The following DENND1A variants were observed in gnomAD, a reference collection of about 807,000 sequenced individuals.
DENND1A encodes DENN domain-containing protein 1A.
In DENND1A, 51 loss-of-function variants were observed where a neutral mutation model predicts 113.7. That is an observed-to-expected ratio of 0.45 (90% CI 0.36 to 0.57). DENND1A has a LOEUF of 0.57. Ranked by LOEUF, DENND1A falls within the 20% of genes least tolerant of loss-of-function variation. The pLI is 0.00. For synonymous variants in DENND1A, 565 were observed against 570.8 expected (o/e 0.99, Z 0.14); for missense variants, 1,258 against 1,395.9 (o/e 0.90, Z 1.57).
chr9:123,686,015 C>T (rs983755852), intron 5 of DENND1A, among the ~76,000 whole-genome samples: 2 of 149,546 alleles, frequency 1.3e-5, no homozygotes, highest in African/African-American at 4.9e-5. Context: ...AAAAACACAA[C>T]AAAAGGAAGA....
chr9:123,511,066 C>T (rs777344973), intron 13 of DENND1A, among the ~76,000 whole-genome samples: 2 of 152,212 alleles, frequency 1.3e-5, no homozygotes, highest in African/African-American at 4.8e-5. Flanking sequence ...AGGCCAGCTA[C>T]ATTCCCCTCC....
At chr9:123,557,144 A>G (rs1373575392) in intron 13 of DENND1A, among the ~76,000 whole-genome samples, 2 of 152,216 alleles carry the variant, frequency 1.3e-5, no homozygotes, top group Non-Finnish European at 2.9e-5. Context: ...CCAGTGGGAA[A>G]GCAGGGGCTC....
intron 13 of DENND1A, among the ~76,000 whole-genome samples, chr9:123,509,050 A>G (rs1279027428): frequency 6.6e-6 from 1 of 152,216 alleles, no homozygotes; most frequent in East Asian, 1.9e-4. Flanking sequence ...GAAGGAAAGA[A>G]AGAGAGAGGA....
chr9:123,697,962 G>C (rs1170841269), intron 5 of DENND1A, among the ~76,000 whole-genome samples: 2 of 152,092 alleles, frequency 1.3e-5, no homozygotes, highest in African/African-American at 4.8e-5. Context: ...GTCTTACTTA[G>C]GCCACTTTTG....
Position 123,769,386 on chromosome 9 carries a change from C to G in DENND1A, c.182+128G>C, listed in dbSNP as rs917734804. The G allele has an allele frequency of 3.0e-5, 24 of 812,136 alleles. No individual in the cohort carries two copies. In the African/African-American group the frequency reaches 3.8e-4, roughly 13 times the overall value. 50.3% of individuals were successfully genotyped at this position (812,136 alleles called of 1,614,324 possible). On this transcript the variant is annotated intron_variant, in intron 4 of 23. Coordinates refer to ENST00000394215, the MANE Select transcript of DENND1A (RefSeq NM_001352964.2). ...CCCAGGAAGGGAGAATATTGCAACT[C>G]TCCTTGGAACACAGGTATCTTAAAT... is the stretch of plus-strand genomic sequence containing the variant.
intron 9 of DENND1A, among the ~76,000 whole-genome samples, chr9:123,638,975 G>A (rs1352180865): frequency 3.8e-5 from 5 of 132,476 alleles, no homozygotes; most frequent in African/African-American, 1.4e-4. Flanking sequence ...CTATCTGTCA[G>A]GTACCCACAC....
chr9:123,647,880 T>C (rs1329903668), intron 9 of DENND1A, among the ~76,000 whole-genome samples: 1 of 152,204 alleles, frequency 6.6e-6, no homozygotes, highest in South Asian at 2.1e-4. Context: ...ACATATATCC[T>C]ACCATACATG....
chr9:123,461,430 T>C (rs974916470), intron 13 of DENND1A, among the ~76,000 whole-genome samples: 1 of 152,204 alleles, frequency 6.6e-6, no homozygotes, highest in Admixed American at 6.5e-5. Context: ...GTGGTCTCAG[T>C]GTGTCTCTGA....
chr9:123,633,373 A>G (rs2061564773), intron 9 of DENND1A, among the ~76,000 whole-genome samples: 1 of 152,194 alleles, frequency 6.6e-6, no homozygotes, highest in Non-Finnish European at 1.5e-5. Context: ...ATAAAATATG[A>G]TTTTTACTTA....
At chr9:123,534,132 G>A (rs916228472) in intron 13 of DENND1A, among the ~76,000 whole-genome samples, 2 of 152,140 alleles carry the variant, frequency 1.3e-5, no homozygotes, top group Admixed American at 6.5e-5. Flanking sequence ...GAGCATCTGC[G>A]AACCTACCCT....
intron 5 of DENND1A, among the ~76,000 whole-genome samples, chr9:123,701,507 C>T (rs1473062539): frequency 6.6e-6 from 1 of 152,258 alleles, no homozygotes; most frequent in Non-Finnish European, 1.5e-5. Context: ...TCAGGCAGAC[C>T]TCTAGGGCCT....
chr9:123,454,802 A>C (rs1166029820), intron 15 of DENND1A, 23 bp from the exon 16 acceptor site: 1 of 1,551,370 alleles, frequency 6.4e-7, no homozygotes, highest in Non-Finnish European at 8.7e-7. Context: ...AATTCAGAGA[A>C]GCTGTCACTT....
chr9:123,928,245 C>A (rs1217066059), intron 1 of DENND1A, among the ~76,000 whole-genome samples: 6 of 152,222 alleles, frequency 3.9e-5, no homozygotes, highest in Non-Finnish European at 7.3e-5. Flanking sequence ...GCCATCTGAA[C>A]TTTTACTTGC....
chr9:123,630,850 T>G (rs898464674), intron 9 of DENND1A, among the ~76,000 whole-genome samples: 1 of 152,210 alleles, frequency 6.6e-6, no homozygotes, highest in Non-Finnish European at 1.5e-5. Context: ...TTCTTAAAAG[T>G]GAACATTATT....
At chr9:123,840,932 T>A (rs979165481) in intron 2 of DENND1A, among the ~76,000 whole-genome samples, 7 of 152,230 alleles carry the variant, frequency 4.6e-5, no homozygotes, top group Admixed American at 2.6e-4. Context: ...CAAAATAGCA[T>A]GCAGAATGTT....
rs545019678 is a variant in DENND1A at position 123,916,371 on chromosome 9, CT to C, written c.17+13517del. ...AGATGTGAATATATCTACGTATTTG[CT>C]TTTTTTTTTTTTTTTTTGAGACAGA... On this transcript the variant is annotated intron_variant, in intron 1 of 23. Transcript: ENST00000394215. Among the ~76,000 whole-genome samples the C allele has an allele frequency of 1.4e-3, 176 of 126,632 alleles. 1 individual carries two copies. Among genetic ancestry groups the C allele is most frequent in the Middle Eastern group, 4.6e-3 (1 of 218 alleles). 83.1% of individuals were successfully genotyped at this position (126,632 alleles called of 152,430 possible).
At chr9:123,802,334 C>T (rs1325471911) in intron 2 of DENND1A, among the ~76,000 whole-genome samples, 1 of 152,098 alleles carries the variant, frequency 6.6e-6, no homozygotes, top group East Asian at 1.9e-4. Flanking sequence ...TCCTTACTCT[C>T]CAAAACCCTA....
At chr9:123,686,280 C>T (rs765357386) in intron 5 of DENND1A, among the ~76,000 whole-genome samples, 1 of 152,204 alleles carries the variant, frequency 6.6e-6, no homozygotes, top group South Asian at 2.1e-4. Context: ...TAAGATGACA[C>T]AGCTACTAAA....
At chr9:123,600,018 A>G (rs2059873516) in intron 11 of DENND1A, among the ~76,000 whole-genome samples, 1 of 152,162 alleles carries the variant, frequency 6.6e-6, no homozygotes, top group African/African-American at 2.4e-5. Flanking sequence ...CGGCTCTTCA[A>G]TCATCACACT....
Sources: allele counts gnomAD v4.1 joint callset (sites outside exome capture counted in the v4.1 genomes callset), GRCh38; gene constraint gnomAD v4.1.1; transcripts MANE v1.5; gene names NCBI Gene and HGNC (gene_info 2026-07-23, HGNC 2026-07-21).